Variants in RAB3C observed in about 807,000 individuals in gnomAD.
The protein encoded by RAB3C is ras-related protein Rab-3C.
In RAB3C, 17 loss-of-function variants were observed where a neutral mutation model predicts 26.4. The observed-to-expected ratio is 0.64, with a 90% CI of 0.44 to 0.97. RAB3C has a LOEUF of 0.97. RAB3C is among the 50% of genes least tolerant of loss of function. RAB3C has a pLI of 0.00. For missense variants in RAB3C, 242 were observed against 281.9 expected (o/e 0.86, Z 1.01); for synonymous variants, 91 against 95.9 (o/e 0.95, Z 0.30).
At chr5:58,818,164 A>T (rs771792539) in intron 3 of RAB3C, among the ~76,000 whole-genome samples, 1 of 152,190 alleles carries the variant, frequency 6.6e-6, no homozygotes, top group South Asian at 2.1e-4. Flanking sequence ...ATTAAGCAAA[A>T]GTCTGTCATT....
intron 2 of RAB3C, among the ~76,000 whole-genome samples, chr5:58,650,362 A>G (rs1167992315): frequency 6.6e-6 from 1 of 152,208 alleles, no homozygotes; most frequent in Non-Finnish European, 1.5e-5. Flanking sequence ...GAAGTGAGAC[A>G]GTAAAAAGAG....
Position 58,693,332 on chromosome 5 carries a change from ATG to A in RAB3C, c.253-32666_253-32665del, listed in dbSNP as rs3059475. 8.4e-5 allele frequency among the ~76,000 whole-genome samples: 9 copies of A among 107,044 alleles called. 1 individual carries two copies. The highest frequency in any genetic ancestry group is 3.7e-4 in the African/African-American group (9 of 24,588). The allele number at this position is 107,044 out of a possible 152,430, so 70.2% of individuals were successfully genotyped here. On this transcript the variant is annotated intron_variant, in intron 2 of 4. Transcript: ENST00000282878. ...AATAAAATTAAGAAATTATATATAT[ATG>A]TGTATATATATATATATATATATAT...
At chr5:58,687,476 A>T (rs1436690597) in intron 2 of RAB3C, among the ~76,000 whole-genome samples, 1 of 152,158 alleles carries the variant, frequency 6.6e-6, no homozygotes, top group Non-Finnish European at 1.5e-5. Context: ...CAACAACAGA[A>T]GTAATTGCAA....
intron 3 of RAB3C, among the ~76,000 whole-genome samples, chr5:58,730,356 T>C (rs1740988770): frequency 6.6e-6 from 1 of 151,974 alleles, no homozygotes; most frequent in South Asian, 2.1e-4. Context: ...AAAAGCCCTT[T>C]GGGGAAAACC....
intron 2 of RAB3C, among the ~76,000 whole-genome samples, chr5:58,703,581 G>A (rs1208435822): frequency 7.9e-5 from 12 of 152,202 alleles, no homozygotes; most frequent in Admixed American, 5.9e-4. Flanking sequence ...TACCAGGGAC[G>A]AAACCAGAAT....
chr5:58,829,873 C>CT (rs1356980020), intron 4 of RAB3C, among the ~76,000 whole-genome samples: 7 of 152,166 alleles, frequency 4.6e-5, no homozygotes, highest in African/African-American at 1.7e-4. Context: ...TTCTTCCCTT[C>CT]TTTTCCCATT....
chr5:58,762,511 G>A (rs559008072), intron 3 of RAB3C, among the ~76,000 whole-genome samples: 67 of 152,212 alleles, frequency 4.4e-4, no homozygotes, highest in Non-Finnish European at 9.3e-4. Flanking sequence ...TGGCCAACAT[G>A]GAGAAACCCC....
intron 3 of RAB3C, among the ~76,000 whole-genome samples, chr5:58,743,392 ATT>A (rs5868128): frequency 1.3e-5 from 2 of 150,250 alleles, no homozygotes; most frequent in African/African-American, 4.9e-5. Context: ...CAGCATCAGG[ATT>A]TTTTTTTTAT....
intron 3 of RAB3C, among the ~76,000 whole-genome samples, chr5:58,810,251 C>T (rs1013411729): frequency 2.0e-5 from 3 of 152,166 alleles, no homozygotes; most frequent in African/African-American, 7.2e-5. Flanking sequence ...GCATACAGGA[C>T]ACAGCACAGG....
At chr5:58,831,606 A>C (rs561007539) in intron 4 of RAB3C, among the ~76,000 whole-genome samples, 1 of 152,264 alleles carries the variant, frequency 6.6e-6, no homozygotes, top group Admixed American at 6.5e-5. Context: ...GAACTACTTA[A>C]GGCGGTTCTC....
chr5:58,594,340 T>C (rs1264527278), intron 1 of RAB3C, among the ~76,000 whole-genome samples: 2 of 152,190 alleles, frequency 1.3e-5, no homozygotes, highest in Non-Finnish European at 2.9e-5. Flanking sequence ...TTTGATCCAC[T>C]GAACACCTGT....
chr5:58,628,862 A>G (rs1425274125), intron 2 of RAB3C, among the ~76,000 whole-genome samples: 2 of 152,046 alleles, frequency 1.3e-5, no homozygotes, highest in Admixed American at 6.5e-5. Context: ...GGCCTCTGAC[A>G]AACATGTTTC....
chr5:58,705,514 A>C (rs899124983), intron 2 of RAB3C, among the ~76,000 whole-genome samples: 1 of 152,190 alleles, frequency 6.6e-6, no homozygotes, highest in Non-Finnish European at 1.5e-5. Flanking sequence ...ATTTATTAGG[A>C]AAGGAGTTAA....
intron 2 of RAB3C, among the ~76,000 whole-genome samples, chr5:58,665,194 A>G (rs957669826): frequency 6.6e-6 from 1 of 152,124 alleles, no homozygotes; most frequent in Admixed American, 6.6e-5. Context: ...CTTTATGAGA[A>G]CATTTGTGTG....
chr5:58,588,227 T>A (rs1746051943), intron 1 of RAB3C, among the ~76,000 whole-genome samples: 3 of 152,150 alleles, frequency 2.0e-5, no homozygotes, highest in Admixed American at 1.3e-4. Flanking sequence ...TACCTAAAAG[T>A]AAAATTGCTG....
chr5:58,610,077 T>C (rs1282098200), intron 1 of RAB3C, among the ~76,000 whole-genome samples: 1 of 152,102 alleles, frequency 6.6e-6, no homozygotes, highest in Admixed American at 6.6e-5. Flanking sequence ...CCAGGAGAAA[T>C]CGCCTGGAGT....
chr5:58,707,928 T>C (rs1354586001), intron 2 of RAB3C, among the ~76,000 whole-genome samples: 1 of 152,036 alleles, frequency 6.6e-6, no homozygotes, highest in African/African-American at 2.4e-5. Flanking sequence ...CGCCTGGGCA[T>C]GTTCTACAGC....
chr5:58,793,817 T>C (rs1742583031), intron 3 of RAB3C, among the ~76,000 whole-genome samples: 1 of 152,168 alleles, frequency 6.6e-6, no homozygotes, highest in Non-Finnish European at 1.5e-5. Context: ...GGTGATGAAT[T>C]TGCATTTTTC....
At chr5:58,621,051 C>T (rs1746926537) in intron 2 of RAB3C, among the ~76,000 whole-genome samples, 1 of 152,098 alleles carries the variant, frequency 6.6e-6, no homozygotes, top group Non-Finnish European at 1.5e-5. Flanking sequence ...GCACAGATGG[C>T]TTGTCATCTC....
Sources: allele counts gnomAD v4.1 joint callset (sites outside exome capture counted in the v4.1 genomes callset), GRCh38; gene constraint gnomAD v4.1.1; transcripts MANE v1.5; gene names NCBI Gene and HGNC (gene_info 2026-07-23, HGNC 2026-07-21).